Variants in CDH2 observed in about 807,000 individuals in gnomAD.
CDH2 encodes the protein cadherin 2, also known as cadherin-2.
CDH2 carries 17 observed loss-of-function variants against 92.0 expected under a neutral mutation model. The ratio of observed to expected loss-of-function variants is 0.18; its 90% CI spans 0.13 to 0.28. The LOEUF (loss-of-function observed/expected upper bound fraction) is 0.28. CDH2 is among the 10% of genes least tolerant of loss of function. The probability of loss-of-function intolerance (pLI) is 1.00; values close to 1 mark genes in which losing one functional copy is unlikely to be tolerated. For synonymous variants in CDH2, 419 were observed against 415.9 expected, an observed-to-expected ratio of 1.01 and a Z score of -0.09; for missense variants, 862 against 1,133.1, an observed-to-expected ratio of 0.76 and a Z score of 3.44.
chr18:28,137,189 T>C (rs1212668100), intron 2 of CDH2, among the ~76,000 whole-genome samples: 1 of 152,158 alleles, frequency 6.6e-6, no homozygotes, highest in Admixed American at 6.5e-5. Flanking sequence ...GGTGAAATAA[T>C]GCATTGTTAC....
intron 15 of CDH2, among the ~76,000 whole-genome samples, chr18:27,959,137 G>A (rs912534101): frequency 6.6e-6 from 1 of 152,150 alleles, no homozygotes; most frequent in African/African-American, 2.4e-5. Context: ...ATATCTAACT[G>A]TTGGGCTGAG....
chr18:27,999,845 G>C (rs2012710603), intron 7 of CDH2, among the ~76,000 whole-genome samples: 1 of 151,870 alleles, frequency 6.6e-6, no homozygotes, highest in South Asian at 2.1e-4. Flanking sequence ...GCGGAACCGG[G>C]TGGAGGTAAC....
Position 28,157,824 on chromosome 18 carries a change from ACATTT to A in CDH2, c.61-10045_61-10041del, listed in dbSNP as rs889352361. ...AAGACTTCAGGTAAAACTTTTTTAAACATTTTGTTTTAAGTCCTCCAAATCAAAGC... is the reference window on the plus strand; with the variant it reads ...AAGACTTCAGGTAAAACTTTTTTAAATGTTTTAAGTCCTCCAAATCAAAGC... On this transcript the variant is annotated intron_variant, in intron 1 of 15. Transcript: ENST00000269141. Among the ~76,000 whole-genome samples, 774 of 152,312 alleles carry A rather than the reference ACATTT, an allele frequency of 5.1e-3. 7 individuals are homozygous for A. The highest frequency in any genetic ancestry group is 0.018 in the African/African-American group (738 of 41,576).
chr18:27,960,443 C>T (rs2011371512), intron 15 of CDH2, among the ~76,000 whole-genome samples: 1 of 152,176 alleles, frequency 6.6e-6, no homozygotes, highest in South Asian at 2.1e-4. Flanking sequence ...GTAGAGTTCT[C>T]TGTAGATAGC....
At chr18:27,975,764 T>C (rs535653808) in intron 14 of CDH2, among the ~76,000 whole-genome samples, 1 of 152,326 alleles carries the variant, frequency 6.6e-6, no homozygotes, top group Admixed American at 6.5e-5. Context: ...TCTTGAATTC[T>C]TGTCTGGTAC....
chr18:28,152,083 T>C (rs1257273986), intron 1 of CDH2, among the ~76,000 whole-genome samples: 1 of 151,594 alleles, frequency 6.6e-6, no homozygotes, highest in African/African-American at 2.4e-5. Flanking sequence ...GCAGCAGGAG[T>C]GTAGTTTGCA....
At chr18:28,104,299 A>C (rs2015285294) in intron 2 of CDH2, among the ~76,000 whole-genome samples, 2 of 152,354 alleles carry the variant, frequency 1.3e-5, no homozygotes, top group South Asian at 4.1e-4. Context: ...TGACTAAATC[A>C]AAATGATTTA....
At chr18:27,944,414 A>G (rs1013872255) in intron 6 of CDH2, among the ~76,000 whole-genome samples, 3 of 152,218 alleles carry the variant, frequency 2.0e-5, no homozygotes, top group Non-Finnish European at 4.4e-5. Context: ...TCCTGAATAT[A>G]TGAATACTTT....
At chr18:28,047,729 C>T (rs1003966893) in intron 2 of CDH2, among the ~76,000 whole-genome samples, 7 of 151,650 alleles carry the variant, frequency 4.6e-5, no homozygotes, top group Admixed American at 4.6e-4. Flanking sequence ...ATTAGCCGGG[C>T]GTGGTGGCGG....
intron 1 of CDH2, among the ~76,000 whole-genome samples, chr18:28,167,067 C>T (rs760774088): frequency 2.6e-4 from 39 of 152,056 alleles, no homozygotes; most frequent in Non-Finnish European, 3.5e-4. Context: ...TTGTTGAAAA[C>T]TGGGTCACTA....
chr18:28,007,798 G>A (rs1026134907), intron 5 of CDH2, among the ~76,000 whole-genome samples: 7 of 151,974 alleles, frequency 4.6e-5, no homozygotes, highest in Admixed American at 2.0e-4. Flanking sequence ...GCACGATCTC[G>A]GCTTAACTGC....
At chr18:28,112,735 A>G in intron 2 of CDH2, among the ~76,000 whole-genome samples, 1 of 152,210 alleles carries the variant, frequency 6.6e-6, no homozygotes, top group African/African-American at 2.4e-5. Context: ...CAATTTCCCG[A>G]GGATCCCTGC....
chr18:28,140,490 G>A (rs1172144025), intron 2 of CDH2, among the ~76,000 whole-genome samples: 1 of 151,812 alleles, frequency 6.6e-6, no homozygotes, highest in African/African-American at 2.4e-5. Context: ...TGATGGCTCT[G>A]TACTTATGAA....
intron 6 of CDH2, among the ~76,000 whole-genome samples, chr18:27,945,902 A>T (rs878957751): frequency 1.3e-5 from 2 of 152,336 alleles, no homozygotes; most frequent in Admixed American, 1.3e-4. Flanking sequence ...AGAAGGAAAA[A>T]TTATTCAAGT....
rs777387516 is a variant in CDH2 at position 27,993,566 on chromosome 18, G to A, written c.1092C>T (p.Asn364=). 8 of 1,614,092 alleles carry A rather than the reference G, an allele frequency of 5.0e-6. No individual in the cohort carries two copies. The highest frequency in any genetic ancestry group is 2.2e-5 in the East Asian group (1 of 44,876). The change falls in exon 8 of 16, where the codon AAC becomes AAT. Residue 364 remains asparagine, a synonymous_variant. Transcript: ENST00000269141. ...MEGNPTYGLS[N]TATAVITVTD... ...TCACTGTGATGACGGCCGTGGCTGT[G>A]TTTGAAAGGCCATATGTGGGATTGC...
intron 1 of CDH2, among the ~76,000 whole-genome samples, chr18:28,153,058 G>C (rs2016150180): frequency 6.6e-6 from 1 of 152,116 alleles, no homozygotes; most frequent in Admixed American, 6.5e-5. Context: ...TAAAGAAGCA[G>C]AAAGAATGGG....
At chr18:28,150,988 A>C (rs2016112197) in intron 1 of CDH2, among the ~76,000 whole-genome samples, 1 of 152,218 alleles carries the variant, frequency 6.6e-6, no homozygotes, top group African/African-American at 2.4e-5. Flanking sequence ...AATGAATACA[A>C]GCTCCCAGCT....
intron 2 of CDH2, among the ~76,000 whole-genome samples, chr18:28,124,319 T>A (rs2015639482): frequency 6.6e-6 from 1 of 152,178 alleles, no homozygotes; most frequent in Non-Finnish European, 1.5e-5. Flanking sequence ...TAAGCCTGAA[T>A]GTGCTGCGAA....
Position 28,028,486 on chromosome 18 carries a change from A to G in CDH2, c.173-14577T>C, listed in dbSNP as rs139983627. Among the ~76,000 whole-genome samples the G allele has an allele frequency of 1.1e-4, 17 of 152,314 alleles. No homozygotes were observed. The East Asian group carries it at 2.9e-3, about 26-fold the overall frequency. ...CTGACAGTAAAGTTACAGAACAAACAAAAGGATAAGATTTCATCCTAAATA... is the reference window on the plus strand; with the variant it reads ...CTGACAGTAAAGTTACAGAACAAACGAAAGGATAAGATTTCATCCTAAATA... On this transcript the variant is annotated intron_variant, in intron 2 of 15. Coordinates refer to ENST00000269141, the MANE Select transcript of CDH2 (RefSeq NM_001792.5).
Sources: allele counts gnomAD v4.1 joint callset (sites outside exome capture counted in the v4.1 genomes callset), GRCh38; gene constraint gnomAD v4.1.1; transcripts MANE v1.5; gene names NCBI Gene and HGNC (gene_info 2026-07-23, HGNC 2026-07-21).